SNTG1: variants seen among roughly 807,000 people sequenced by gnomAD.
SNTG1 encodes the protein gamma-1-syntrophin.
A neutral mutation model predicts 74.7 loss-of-function variants in SNTG1; 39 were observed. That is an observed-to-expected ratio of 0.52 (90% CI 0.40 to 0.68). SNTG1 has a LOEUF of 0.68. Among genes scored for constraint, SNTG1 ranks in the 30% least tolerant of loss-of-function variants. The probability of loss-of-function intolerance (pLI) is 0.00; values close to 1 mark genes in which losing one functional copy is unlikely to be tolerated. For missense variants in SNTG1, 685 were observed against 609.5 expected (o/e 1.12, Z -1.30); for synonymous variants, 254 against 217.1 (o/e 1.17, Z -1.49).
intron 3 of SNTG1, among the ~76,000 whole-genome samples, chr8:50,396,170 C>T (rs11988109): frequency 6.6e-6 from 1 of 152,042 alleles, no homozygotes; most frequent in Admixed American, 6.5e-5. Context: ...AATTAGTAAT[C>T]CTTAGTACTG....
chr8:50,277,096 G>A (rs1269353389), intron 2 of SNTG1, among the ~76,000 whole-genome samples: 2 of 152,110 alleles, frequency 1.3e-5, no homozygotes, highest in East Asian at 3.9e-4. Context: ...CCAGAGTGCT[G>A]GGATTACAGG....
Position 50,739,315 on chromosome 8 carries a change from CTCA to C in SNTG1, c.1285-12679_1285-12677del, listed in dbSNP as rs1425805101. On this transcript the variant is annotated intron_variant, in intron 17 of 18. Transcript: ENST00000642720. The stretch of plus-strand genomic sequence containing the variant: ...TAGCCAACAAGCATATGAAAAAAAG[CTCA>C]TCATCACTGGTCTTTAGAAAAATGC... Among the ~76,000 whole-genome samples the C allele has an allele frequency of 1.9e-4, 29 of 152,124 alleles. No individual in the cohort carries two copies. The South Asian group carries it at 5.6e-3, about 29-fold the overall frequency.
intron 1 of SNTG1, among the ~76,000 whole-genome samples, chr8:50,075,657 T>C (rs886644252): frequency 6.6e-6 from 1 of 152,140 alleles, no homozygotes; most frequent in African/African-American, 2.4e-5. Context: ...GTTCTTTCAG[T>C]AAATCTTGCT....
At chr8:50,259,589 A>C (rs2087078512) in intron 2 of SNTG1, among the ~76,000 whole-genome samples, 1 of 151,288 alleles carries the variant, frequency 6.6e-6, no homozygotes, top group Admixed American at 6.6e-5. Flanking sequence ...TAAAGAAGAA[A>C]AGCACATTTC....
At chr8:50,022,827 C>T (rs570481474) in intron 1 of SNTG1, among the ~76,000 whole-genome samples, 51 of 152,040 alleles carry the variant, frequency 3.4e-4, no homozygotes, top group Non-Finnish European at 3.5e-4. Flanking sequence ...GGGTGTGGAC[C>T]TTGACTTTTT....
chr8:50,195,138 G>A (rs1323913828), intron 2 of SNTG1, among the ~76,000 whole-genome samples: 4 of 152,096 alleles, frequency 2.6e-5, no homozygotes, highest in African/African-American at 9.7e-5. Context: ...GAGAATGCAA[G>A]TGAGGTTCCC....
At chr8:50,370,835 C>T (rs966664267) in intron 2 of SNTG1, among the ~76,000 whole-genome samples, 5 of 151,598 alleles carry the variant, frequency 3.3e-5, no homozygotes, top group Admixed American at 2.0e-4. Context: ...AGCAGAATTC[C>T]GAGGAATATA....
chr8:50,511,633 ATCT>A (rs1466071239), intron 9 of SNTG1, among the ~76,000 whole-genome samples: 5 of 152,076 alleles, frequency 3.3e-5, no homozygotes, highest in Non-Finnish European at 5.9e-5. Flanking sequence ...GGATAGTTAG[ATCT>A]TCTTGTTGAA....
intron 12 of SNTG1, among the ~76,000 whole-genome samples, chr8:50,562,738 C>G (rs771080536): frequency 2.6e-5 from 4 of 152,072 alleles, no homozygotes; most frequent in Admixed American, 6.6e-5. Flanking sequence ...GAAAATCATG[C>G]CTTTAACTCA....
At chr8:50,249,097 C>T (rs374860322) in intron 2 of SNTG1, among the ~76,000 whole-genome samples, 2 of 152,050 alleles carry the variant, frequency 1.3e-5, no homozygotes, top group African/African-American at 4.8e-5. Flanking sequence ...GAAACCTCTT[C>T]CTACAAGGAA....
intron 18 of SNTG1, among the ~76,000 whole-genome samples, chr8:50,773,543 T>C (rs1003004075): frequency 2.0e-5 from 3 of 152,080 alleles, no homozygotes; most frequent in Non-Finnish European, 4.4e-5. Context: ...AAACAATAGA[T>C]GACCAAGAAG....
chr8:50,582,384 G>A (rs988492038), intron 12 of SNTG1, among the ~76,000 whole-genome samples: 4 of 152,098 alleles, frequency 2.6e-5, no homozygotes, highest in African/African-American at 4.8e-5. Flanking sequence ...ATTCTAGTGA[G>A]GGGAGCAAAT....
chr8:50,195,993 G>A (rs2083755513), intron 2 of SNTG1, among the ~76,000 whole-genome samples: 1 of 152,060 alleles, frequency 6.6e-6, no homozygotes, highest in African/African-American at 2.4e-5. Context: ...AATTTTCATG[G>A]GGATCTTTAT....
At chr8:50,392,502 T>C (rs933095611) in intron 2 of SNTG1, among the ~76,000 whole-genome samples, 1 of 152,220 alleles carries the variant, frequency 6.6e-6, no homozygotes, top group Non-Finnish European at 1.5e-5. Flanking sequence ...CCCAATGTTT[T>C]AGAAAAGTCA....
intron 2 of SNTG1, among the ~76,000 whole-genome samples, chr8:50,292,767 C>T (rs545846432): frequency 6.6e-6 from 1 of 152,132 alleles, no homozygotes; most frequent in Admixed American, 6.6e-5. Flanking sequence ...TATTTGGCAA[C>T]AGAACTGGGA....
chr8:50,788,464 A>G (rs980691984), intron 18 of SNTG1, among the ~76,000 whole-genome samples: 5 of 151,924 alleles, frequency 3.3e-5, no homozygotes, highest in Non-Finnish European at 4.4e-5. Context: ...TTGGCTCTCA[A>G]TTTTGTTCAG....
At chr8:50,021,237 A>G (rs1816787386) in intron 1 of SNTG1, among the ~76,000 whole-genome samples, 2 of 152,172 alleles carry the variant, frequency 1.3e-5, no homozygotes, top group Non-Finnish European at 2.9e-5. Context: ...TATATCTATA[A>G]TCTTCCAACA....
At chr8:50,542,160 T>C (rs536239192) in intron 11 of SNTG1, among the ~76,000 whole-genome samples, 4 of 137,212 alleles carry the variant, frequency 2.9e-5, no homozygotes, top group South Asian at 2.3e-4. Context: ...TTTCTTTCTG[T>C]TTTTTTTTTT....
chr8:50,403,491 C>T (rs1342945934), intron 4 of SNTG1, among the ~76,000 whole-genome samples: 1 of 152,138 alleles, frequency 6.6e-6, no homozygotes, highest in East Asian at 1.9e-4. Context: ...AGAGAAGTGA[C>T]ATGAGTCATA....
Sources: allele counts gnomAD v4.1 joint callset (sites outside exome capture counted in the v4.1 genomes callset), GRCh38; gene constraint gnomAD v4.1.1; transcripts MANE v1.5; gene names NCBI Gene and HGNC (gene_info 2026-07-23, HGNC 2026-07-21).